COLGALT2: variants seen among roughly 807,000 people sequenced by gnomAD.
COLGALT2 encodes procollagen galactosyltransferase 2.
Under a neutral mutation model 73.4 loss-of-function variants are expected in COLGALT2, and 49 were observed. That is an observed-to-expected ratio of 0.67 (90% CI 0.53 to 0.85). COLGALT2 has a LOEUF of 0.85. Among genes scored for constraint, COLGALT2 ranks in the 40% least tolerant of loss-of-function variants. The pLI is 0.00. For missense variants in COLGALT2, 722 were observed against 790.2 expected, an observed-to-expected ratio of 0.91 and a Z score of 1.03; for synonymous variants, 295 against 307.6, an observed-to-expected ratio of 0.96 and a Z score of 0.43.
At chr1:184,031,369 T>C (rs753533623) in intron 1 of COLGALT2, among the ~76,000 whole-genome samples, 1 of 152,158 alleles carries the variant, frequency 6.6e-6, no homozygotes, top group Non-Finnish European at 1.5e-5. Context: ...TCATAATCTG[T>C]CCCTATGAAA....
At chr1:183,973,038 G>A (rs1387920876) in intron 4 of COLGALT2, among the ~76,000 whole-genome samples, 1 of 152,128 alleles carries the variant, frequency 6.6e-6, no homozygotes, top group Non-Finnish European at 1.5e-5. Context: ...CTTCTAAAAA[G>A]CTATCCTAAG....
intron 1 of COLGALT2, among the ~76,000 whole-genome samples, chr1:183,993,996 A>AAAG (rs1424001194): frequency 1.3e-5 from 2 of 151,268 alleles, no homozygotes; most frequent in Non-Finnish European, 2.9e-5. Context: ...GATTCAGTAA[A>AAAG]ATAAGTCACA....
At chr1:183,978,981 C>T (rs532540138) in intron 1 of COLGALT2, among the ~76,000 whole-genome samples, 8 of 152,178 alleles carry the variant, frequency 5.3e-5, no homozygotes, top group South Asian at 2.1e-4. Context: ...ATTTTCTGAC[C>T]GCAGCAAAAT....
chr1:183,948,106 T>C (rs1205985857), intron 8 of COLGALT2, among the ~76,000 whole-genome samples: 1 of 151,912 alleles, frequency 6.6e-6, no homozygotes, highest in Non-Finnish European at 1.5e-5. Context: ...AAAATTTCCA[T>C]AAAGAAAAGC....
chr1:183,991,244 C>G (rs540606837), intron 1 of COLGALT2, among the ~76,000 whole-genome samples: 1 of 151,988 alleles, frequency 6.6e-6, no homozygotes, highest in Non-Finnish European at 1.5e-5. Context: ...ATCAATGACA[C>G]GAACAAAAAT....
chr1:184,005,318 C>T (rs1672043022), intron 1 of COLGALT2, among the ~76,000 whole-genome samples: 2 of 152,240 alleles, frequency 1.3e-5, no homozygotes, highest in South Asian at 2.1e-4. Flanking sequence ...CTGGCAGAGG[C>T]TCCCTGACCC....
chr1:183,981,150 G>A (rs1342633120), intron 1 of COLGALT2, among the ~76,000 whole-genome samples: 2 of 152,056 alleles, frequency 1.3e-5, no homozygotes, highest in African/African-American at 2.4e-5. Context: ...TAAGGGTGTC[G>A]TAATATTCCC....
At chr1:183,975,691 C>T (rs1025227428) in intron 2 of COLGALT2, among the ~76,000 whole-genome samples, 2 of 152,180 alleles carry the variant, frequency 1.3e-5, no homozygotes, top group Non-Finnish European at 2.9e-5. Flanking sequence ...TTGTTGGAGT[C>T]TCCACAAATG....
chr1:184,032,500 A>G (rs1490253448), intron 1 of COLGALT2, among the ~76,000 whole-genome samples: 1 of 152,198 alleles, frequency 6.6e-6, no homozygotes, highest in Non-Finnish European at 1.5e-5. Flanking sequence ...AATCACACAG[A>G]AGATTTATGC....
At chr1:184,029,704 G>T (rs1347610810) in intron 1 of COLGALT2, among the ~76,000 whole-genome samples, 1 of 152,110 alleles carries the variant, frequency 6.6e-6, no homozygotes, top group Non-Finnish European at 1.5e-5. Flanking sequence ...TCATCAAAAA[G>T]TTTTTTTTAT....
intron 1 of COLGALT2, among the ~76,000 whole-genome samples, chr1:184,019,840 A>G (rs185708731): frequency 1.3e-5 from 2 of 152,316 alleles, no homozygotes; most frequent in Admixed American, 6.5e-5. Context: ...ACACTGATCT[A>G]TATATTTCTG....
chr1:183,958,955 C>T (rs549524380), intron 6 of COLGALT2, among the ~76,000 whole-genome samples: 30 of 152,110 alleles, frequency 2.0e-4, no homozygotes, highest in African/African-American at 7.0e-4. Flanking sequence ...TTTCCCCATC[C>T]CATCAAGATT....
intron 1 of COLGALT2, among the ~76,000 whole-genome samples, chr1:184,031,763 T>C (rs576806155): frequency 7.9e-5 from 12 of 152,328 alleles, no homozygotes; most frequent in African/African-American, 2.9e-4. Context: ...GGTTGTTGTC[T>C]GGAGTAAATC....
At chr1:184,026,190 T>C (rs1240331239) in intron 1 of COLGALT2, among the ~76,000 whole-genome samples, 1 of 152,162 alleles carries the variant, frequency 6.6e-6, no homozygotes, top group Non-Finnish European at 1.5e-5. Flanking sequence ...TGAAAGACGC[T>C]GCTTTTGGCT....
intron 3 of COLGALT2, among the ~76,000 whole-genome samples, chr1:183,974,797 C>T (rs1225353581): frequency 3.3e-5 from 5 of 152,218 alleles, no homozygotes; most frequent in African/African-American, 1.2e-4. Flanking sequence ...ATTGCTTTAC[C>T]TACAGCCTTT....
intron 4 of COLGALT2, among the ~76,000 whole-genome samples, chr1:183,972,352 C>T (rs147614795): frequency 2.6e-5 from 4 of 152,320 alleles, no homozygotes; most frequent in Admixed American, 6.5e-5. Context: ...AAGTAATTGT[C>T]CTACCTCAGC....
chr1:183,962,154 C>CTTTTTTTTTTTTTTT lies in COLGALT2; in HGVS notation c.952+1732_952+1746dup, dbSNP rs34873073. Among the ~76,000 whole-genome samples, 61 of 85,534 alleles carry CTTTTTTTTTTTTTTT rather than the reference C, an allele frequency of 7.1e-4. 2 individuals carry two copies. The highest frequency in any genetic ancestry group is 2.3e-3 in the African/African-American group (46 of 19,970). 56.1% of individuals were successfully genotyped at this position (85,534 alleles called of 152,430 possible). ...TTTCTTTTCTTTTCTTTTTCTCTTTCTTTTTTTTTTTTTTTTTTTTTTTGA... is the reference window on the plus strand; with the variant it reads ...TTTCTTTTCTTTTCTTTTTCTCTTTCTTTTTTTTTTTTTTTTTTTTTTTTTTTTTTTTTTTTTTGA... On this transcript the variant is annotated intron_variant, in intron 6 of 11. Coordinates refer to ENST00000361927, the MANE Select transcript of COLGALT2 (RefSeq NM_015101.4).
intron 4 of COLGALT2, among the ~76,000 whole-genome samples, chr1:183,971,598 G>T (rs1217210421): frequency 1.3e-5 from 2 of 152,190 alleles, no homozygotes; most frequent in Admixed American, 1.3e-4. Flanking sequence ...GTGAATGGCT[G>T]TTAGAAATAT....
chr1:183,950,872 G>A lies in COLGALT2; in HGVS notation c.1136+135C>T, dbSNP rs558555869. 6.2e-6 allele frequency: 4 copies of A among 640,488 alleles called. No individual in the cohort carries two copies. In the South Asian group the frequency reaches 8.9e-5, roughly 14 times the overall value. The allele number at this position is 640,488 out of a possible 1,614,324, so 39.7% of individuals were successfully genotyped here. ...TGAAATTAACTTAAATGCTACTACA[G>A]GTGGCCGTTTTGAAAATAAGACTAT... is the stretch of plus-strand genomic sequence containing the variant. On this transcript the variant is annotated intron_variant, in intron 8 of 11. Transcript: ENST00000361927.
Sources: gnomAD v4.1 joint callset for allele counts (sites outside exome capture counted in the v4.1 genomes callset) on GRCh38, gnomAD v4.1.1 for gene constraint, MANE v1.5 for transcripts, NCBI Gene and HGNC (gene_info 2026-07-23, HGNC 2026-07-21) for gene names.